NELL2: variants seen among roughly 807,000 people sequenced by gnomAD.
NELL2 encodes neural EGFL like 2.
A neutral mutation model predicts 109.6 loss-of-function variants in NELL2; 41 were observed. That is an observed-to-expected ratio of 0.37 (90% CI 0.29 to 0.49). The LOEUF (loss-of-function observed/expected upper bound fraction) is 0.49, where lower values mean the gene tolerates loss of function less well. Among genes scored for constraint, NELL2 ranks in the 20% least tolerant of loss-of-function variants. The pLI, the probability that NELL2 is intolerant of heterozygous loss-of-function variation, is 0.98. For synonymous variants in NELL2, 355 were observed against 344.7 expected (o/e 1.03, Z -0.33); for missense variants, 900 against 1,008.3 (o/e 0.89, Z 1.45).
At chr12:44,876,607 CCCT>C, upstream of NELL2, 3 of 1,549,714 alleles carry the variant, frequency 1.9e-6, no homozygotes, top group Non-Finnish European at 2.6e-6. Context: ...TTGCTCTCAC[CCCT>C]CGATTTCGGG....
At chr12:44,802,222 G>A (rs12318030) in intron 3 of NELL2, among the ~76,000 whole-genome samples, 2,271 of 152,124 alleles carry the variant, frequency 0.015, 56 homozygotes, top group African/African-American at 0.053. Context: ...AGATTCTGTC[G>A]TGTATTTATT....
intron 15 of NELL2, among the ~76,000 whole-genome samples, chr12:44,583,098 G>C (rs1264258474): frequency 6.6e-6 from 1 of 152,174 alleles, no homozygotes; most frequent in South Asian, 2.1e-4. Context: ...CCAGTATGTG[G>C]TATTCTGTTA....
intron 13 of NELL2, among the ~76,000 whole-genome samples, chr12:44,659,847 A>C (rs546890764): frequency 7.2e-5 from 11 of 152,106 alleles, no homozygotes; most frequent in Non-Finnish European, 1.5e-4. Context: ...TAAACCTCCT[A>C]TGATATGTGA....
At chr12:44,585,173 T>A (rs1434037927) in intron 15 of NELL2, among the ~76,000 whole-genome samples, 2 of 152,230 alleles carry the variant, frequency 1.3e-5, no homozygotes, top group Non-Finnish European at 2.9e-5. Flanking sequence ...TTCATACAAT[T>A]TAACTTTGCA....
intron 12 of NELL2, among the ~76,000 whole-genome samples, chr12:44,688,346 G>T (rs951174940): frequency 6.6e-6 from 1 of 152,034 alleles, no homozygotes; most frequent in Non-Finnish European, 1.5e-5. Flanking sequence ...TAATATTTTA[G>T]TTCCAAAAAT....
At chr12:44,614,916 G>A (rs955209433) in intron 13 of NELL2, among the ~76,000 whole-genome samples, 1 of 151,930 alleles carries the variant, frequency 6.6e-6, no homozygotes, top group African/African-American at 2.4e-5. Flanking sequence ...CAGAAAATAG[G>A]AGTGAAAAGT....
intron 1 of NELL2, among the ~76,000 whole-genome samples, chr12:44,912,263 C>G (rs769091142): frequency 3.9e-5 from 6 of 151,916 alleles, no homozygotes; most frequent in Non-Finnish European, 7.4e-5. Flanking sequence ...ATTTTTAAGG[C>G]TTTAGACCTC....
intron 13 of NELL2, among the ~76,000 whole-genome samples, chr12:44,629,598 G>A (rs956666619): frequency 6.6e-6 from 1 of 152,116 alleles, no homozygotes; most frequent in African/African-American, 2.4e-5. Context: ...GACAGATCGG[G>A]CACATACAAT....
chr12:44,539,931 T>A (rs2139027602), intron 15 of NELL2, among the ~76,000 whole-genome samples: 1 of 152,272 alleles, frequency 6.6e-6, no homozygotes, highest in South Asian at 2.1e-4. Context: ...TGAGTTCTGC[T>A]AGGGTTGGAG....
intron 16 of NELL2, among the ~76,000 whole-genome samples, chr12:44,532,006 T>G (rs961529879): frequency 3.9e-5 from 6 of 152,122 alleles, no homozygotes; most frequent in Non-Finnish European, 8.8e-5. Context: ...AAATTAATGG[T>G]AACTAATTGA....
intron 14 of NELL2, among the ~76,000 whole-genome samples, chr12:44,609,380 C>T (rs190313051): frequency 6.6e-6 from 1 of 152,200 alleles, no homozygotes; most frequent in African/African-American, 2.4e-5. Context: ...GGATGATTCA[C>T]ATCCCAGGCA....
intron 15 of NELL2, among the ~76,000 whole-genome samples, chr12:44,598,883 ACTCTCTCT>A (rs71459071): frequency 1.5e-4 from 21 of 144,036 alleles, no homozygotes; most frequent in South Asian, 6.7e-4. Flanking sequence ...ACACACACAC[ACTCTCTCT>A]CTCTCTCTCT....
intron 2 of NELL2, among the ~76,000 whole-genome samples, chr12:44,856,032 A>T (rs1944673820): frequency 6.6e-6 from 1 of 152,212 alleles, no homozygotes. Context: ...GTCATGAACA[A>T]ATGGGCTCAA....
chr12:44,774,938 C>A, intron 8 of NELL2, 89 bp from the exon 9 acceptor site: 1 of 990,518 alleles, frequency 1.0e-6, no homozygotes. Context: ...ATTTTAAACT[C>A]TTCATGTGAA....
chr12:44,600,298 C>A (rs191005600), intron 15 of NELL2, among the ~76,000 whole-genome samples: 2 of 151,362 alleles, frequency 1.3e-5, no homozygotes, highest in African/African-American at 4.9e-5. Context: ...TGTGAACCAC[C>A]GCGCCCGGCC....
chr12:44,679,633 T>C lies in NELL2; in HGVS notation c.1319-14024A>G, dbSNP rs983956601. Reference sequence around the variant, plus strand: ...CAAATGCCTGCTTTAAGTTAGTGTCTGGTAAATCCAGCATAGAATCACTAA... The same window carrying C: ...CAAATGCCTGCTTTAAGTTAGTGTCCGGTAAATCCAGCATAGAATCACTAA... On this transcript the variant is annotated intron_variant, in intron 12 of 19. Coordinates refer to ENST00000429094, the MANE Select transcript of NELL2 (RefSeq NM_001145108.2). 2.0e-5 allele frequency among the ~76,000 whole-genome samples: 3 copies of C among 152,134 alleles called. No individual in the cohort carries two copies. The East Asian group carries it at 5.8e-4, about 29-fold the overall frequency.
intron 15 of NELL2, among the ~76,000 whole-genome samples, chr12:44,567,410 A>T (rs1038653932): frequency 6.6e-5 from 10 of 152,222 alleles, no homozygotes; most frequent in African/African-American, 2.4e-4. Flanking sequence ...TGATTTGAAA[A>T]ATCAAGACCT....
chr12:44,777,002 AT>A lies in NELL2; in HGVS notation c.762+39del, dbSNP rs1003088074. The A allele has an allele frequency of 2.0e-5, 31 of 1,568,506 alleles. No homozygotes were observed. The Admixed American group carries it at 2.3e-4, about 12-fold the overall frequency. ...AATGGAAGTATTGGGAACATCAAGG[AT>A]TTTTAAGCTTCCACACTGTATTCTT... On this transcript the variant is annotated intron_variant, in intron 7 of 19. Transcript: ENST00000429094.
At chr12:44,775,020 T>G (rs897002347) in intron 8 of NELL2, among the ~76,000 whole-genome samples, 171 bp from the exon 9 acceptor site, 1 of 152,160 alleles carries the variant, frequency 6.6e-6, no homozygotes, top group Non-Finnish European at 1.5e-5. Flanking sequence ...GGCGCCAAAC[T>G]GGAGACAGGA....
Sources: allele counts gnomAD v4.1 joint callset (sites outside exome capture counted in the v4.1 genomes callset), GRCh38; gene constraint gnomAD v4.1.1; transcripts MANE v1.5; gene names NCBI Gene and HGNC (gene_info 2026-07-23, HGNC 2026-07-21).